ZNF148: variants seen among roughly 807,000 people sequenced by gnomAD.
ZNF148 encodes zinc finger protein 148.
A neutral mutation model predicts 67.7 loss-of-function variants in ZNF148; 7 were observed. The observed-to-expected ratio is 0.10, with a 90% CI of 0.06 to 0.19. The LOEUF (loss-of-function observed/expected upper bound fraction) is 0.19, where lower values mean the gene tolerates loss of function less well. Ranked by LOEUF, ZNF148 falls within the 10% of genes least tolerant of loss-of-function variation. The probability of loss-of-function intolerance (pLI) is 1.00; values close to 1 mark genes in which losing one functional copy is unlikely to be tolerated. For missense variants in ZNF148, 583 were observed against 947.1 expected (o/e 0.62, Z 5.05); for synonymous variants, 333 against 330.7 (o/e 1.01, Z -0.08).
intron 5 of ZNF148, 151 bp downstream of exon 5, chr3:125,287,951 GC>G: frequency 9.8e-7 from 1 of 1,024,010 alleles, no homozygotes. Context: ...TGAAAGCAAG[GC>G]CCACCACCTC....
At chr3:125,315,710 A>G (rs1940457927) in intron 3 of ZNF148, among the ~76,000 whole-genome samples, 1 of 151,258 alleles carries the variant, frequency 6.6e-6, no homozygotes, top group Non-Finnish European at 1.5e-5. Flanking sequence ...TCCATCTCAA[A>G]AAAAAAAAAA....
chr3:125,353,425 A>C (rs1942225641), intron 1 of ZNF148, among the ~76,000 whole-genome samples: 1 of 152,168 alleles, frequency 6.6e-6, no homozygotes, highest in Non-Finnish European at 1.5e-5. Flanking sequence ...ACACACAAAA[A>C]TAAGTGCAGG....
At chr3:125,312,843 G>T (rs929340569) in intron 4 of ZNF148, among the ~76,000 whole-genome samples, 3 of 152,060 alleles carry the variant, frequency 2.0e-5, no homozygotes, top group Non-Finnish European at 4.4e-5. Context: ...GTAAAGGGCT[G>T]ATATACTTTA....
At chr3:125,281,533 A>G (rs900080673) in intron 5 of ZNF148, among the ~76,000 whole-genome samples, 20 of 152,360 alleles carry the variant, frequency 1.3e-4, no homozygotes, top group Admixed American at 1.0e-3. Flanking sequence ...TCTGTGGCAT[A>G]GCAACTGCAA....
chr3:125,337,705 C>T lies in ZNF148; in HGVS notation c.-233-6467G>A, dbSNP rs117608182. On this transcript the variant is annotated intron_variant, in intron 1 of 8. Coordinates refer to ENST00000360647, the MANE Select transcript of ZNF148 (RefSeq NM_021964.3). Reference sequence around the variant, plus strand: ...ACACCCCCTAAACACTCACACACAACTATCTGAGCAAGTATTATTGTTTGT... The same window carrying T: ...ACACCCCCTAAACACTCACACACAATTATCTGAGCAAGTATTATTGTTTGT... 1.8e-4 allele frequency among the ~76,000 whole-genome samples: 27 copies of T among 152,290 alleles called. No homozygotes were observed. The East Asian group carries it at 5.2e-3, about 29-fold the overall frequency.
intron 1 of ZNF148, among the ~76,000 whole-genome samples, chr3:125,352,917 C>T (rs898683501): frequency 4.6e-5 from 7 of 152,132 alleles, no homozygotes; most frequent in Non-Finnish European, 1.0e-4. Flanking sequence ...GGCAGACACA[C>T]TTATCAATGG....
chr3:125,271,289 CT>C (rs1305550387), intron 7 of ZNF148, among the ~76,000 whole-genome samples: 1 of 152,204 alleles, frequency 6.6e-6, no homozygotes. Flanking sequence ...GTCCTTCCTG[CT>C]TTCCTCAGAA....
intron 1 of ZNF148, among the ~76,000 whole-genome samples, chr3:125,341,445 C>T (rs140419467): frequency 1.3e-5 from 2 of 151,156 alleles, no homozygotes; most frequent in Non-Finnish European, 3.0e-5. Context: ...ACAGTGAGAC[C>T]CCATCTGTAC....
chr3:125,351,079 C>T (rs1942131048), intron 1 of ZNF148, among the ~76,000 whole-genome samples: 1 of 152,048 alleles, frequency 6.6e-6, no homozygotes. Context: ...TGGTGGCCCA[C>T]ACCTGTAATC....
intron 7 of ZNF148, among the ~76,000 whole-genome samples, chr3:125,275,580 TA>T (rs909578966): frequency 2.0e-5 from 3 of 152,212 alleles, no homozygotes; most frequent in African/African-American, 7.2e-5. Context: ...TCCTCATCTA[TA>T]AAATGGGGAC....
intron 5 of ZNF148, 150 bp downstream of exon 5, chr3:125,287,953 C>T: frequency 1.9e-6 from 2 of 1,048,484 alleles, no homozygotes; most frequent in African/African-American, 1.6e-5. Context: ...AAAGCAAGGC[C>T]CACCACCTCC....
chr3:125,252,461 T>C (rs1329282504), intron 7 of ZNF148, among the ~76,000 whole-genome samples: 4 of 152,010 alleles, frequency 2.6e-5, no homozygotes, highest in African/African-American at 9.7e-5. Context: ...GATTAATTTT[T>C]CCCCCTAGAC....
At chr3:125,372,809 A>G (rs754505260) in intron 1 of ZNF148, among the ~76,000 whole-genome samples, 14 of 151,906 alleles carry the variant, frequency 9.2e-5, no homozygotes, top group Non-Finnish European at 2.9e-5. Context: ...TCTACTAAAA[A>G]TACAAAATTA....
At position 125,370,465 on chromosome 3, in the gene ZNF148, C is replaced by G. The variant is rs76611873; in HGVS notation, c.-234+4637G>C. On this transcript the variant is annotated intron_variant, in intron 1 of 8. Coordinates refer to ENST00000360647, the MANE Select transcript of ZNF148 (RefSeq NM_021964.3). ...TAAGAATCAACCTGCTGTTAGTTTCCCTAGAGACTACAGGAAGTCTCTGCT... is the reference window on the plus strand; with the variant it reads ...TAAGAATCAACCTGCTGTTAGTTTCGCTAGAGACTACAGGAAGTCTCTGCT... 5.2e-3 allele frequency among the ~76,000 whole-genome samples: 788 copies of G among 152,264 alleles called. 7 individuals are homozygous for G. The highest frequency in any genetic ancestry group is 0.018 in the African/African-American group (752 of 41,538).
intron 1 of ZNF148, among the ~76,000 whole-genome samples, chr3:125,354,725 T>C (rs900854253): frequency 1.3e-5 from 2 of 152,234 alleles, no homozygotes; most frequent in Non-Finnish European, 2.9e-5. Context: ...CTATCATAAC[T>C]AACTTTAATT....
At chr3:125,277,908 G>T in intron 6 of ZNF148, 99 bp from the exon 7 acceptor site, 1 of 890,464 alleles carries the variant, frequency 1.1e-6, no homozygotes, top group Non-Finnish European at 1.6e-6. Context: ...CCCAAATTTT[G>T]GAAAATTACA....
At chr3:125,369,686 T>C (rs1428414975) in intron 1 of ZNF148, among the ~76,000 whole-genome samples, 1 of 152,106 alleles carries the variant, frequency 6.6e-6, no homozygotes, top group Non-Finnish European at 1.5e-5. Context: ...CATTACTGAA[T>C]TATTTCACAA....
chr3:125,340,406 C>T (rs1477456299), intron 1 of ZNF148, among the ~76,000 whole-genome samples: 1 of 152,140 alleles, frequency 6.6e-6, no homozygotes, highest in Non-Finnish European at 1.5e-5. Flanking sequence ...AGGGACCCAG[C>T]CATAGCAAGT....
At chr3:125,239,998 C>T (rs1454978977) in intron 7 of ZNF148, among the ~76,000 whole-genome samples, 1 of 152,022 alleles carries the variant, frequency 6.6e-6, no homozygotes, top group Non-Finnish European at 1.5e-5. Flanking sequence ...ATTCTAAACA[C>T]CAGATAGTGG....
Sources: gnomAD v4.1 joint callset for allele counts (sites outside exome capture counted in the v4.1 genomes callset) on GRCh38, gnomAD v4.1.1 for gene constraint, MANE v1.5 for transcripts, NCBI Gene and HGNC (gene_info 2026-07-23, HGNC 2026-07-21) for gene names.